Variants in CCDC102B observed in about 807,000 individuals in gnomAD.
CCDC102B encodes the protein coiled-coil domain containing 102B, also known as coiled-coil domain-containing protein 102B.
In CCDC102B, 75 loss-of-function variants were observed where a neutral mutation model predicts 57.4. That is an observed-to-expected ratio of 1.31 (90% CI 1.08 to 1.58). CCDC102B has a LOEUF of 1.58. Ranked by LOEUF, CCDC102B falls within the 40% of genes most tolerant of loss-of-function variation. The probability of loss-of-function intolerance (pLI) is 0.00; values close to 1 mark genes in which losing one functional copy is unlikely to be tolerated. For synonymous variants in CCDC102B, 206 were observed against 201.9 expected, an observed-to-expected ratio of 1.02 and a Z score of -0.17; for missense variants, 636 against 582.6, an observed-to-expected ratio of 1.09 and a Z score of -0.94.
chr18:68,832,304 A>G (rs927680808), intron 1 of CCDC102B, among the ~76,000 whole-genome samples: 12 of 152,098 alleles, frequency 7.9e-5, no homozygotes, highest in African/African-American at 2.9e-4. Context: ...AGACTTTCCT[A>G]AGTACAGAGG....
Position 69,054,366 on chromosome 18 carries a change from A to C in CCDC102B, c.*229A>C. 1 of 1,165,216 alleles carries C rather than the reference A, an allele frequency of 8.6e-7. No homozygotes were observed. The highest frequency in any genetic ancestry group is 1.1e-6 in the Non-Finnish European group (1 of 945,102). The allele number at this position is 1,165,216 out of a possible 1,614,324, so 72.2% of individuals were successfully genotyped here. ...TCATTTAAAAACAACTTTAATTCTA[A>C]GATGTGTAAATATTTTGAAAGTCAA... is the stretch of plus-strand genomic sequence containing the variant. On this transcript the variant is annotated 3_prime_UTR_variant, in exon 8 of 8. Transcript: ENST00000360242.
At chr18:68,857,762 G>T (rs1427582904) in intron 4 of CCDC102B, among the ~76,000 whole-genome samples, 2 of 152,040 alleles carry the variant, frequency 1.3e-5, no homozygotes, top group Non-Finnish European at 2.9e-5. Flanking sequence ...TAGTGACGTT[G>T]AATGGCTTCA....
At chr18:68,720,636 A>G (rs143624020) in intron 2 of CCDC102B, among the ~76,000 whole-genome samples, 102 of 152,332 alleles carry the variant, frequency 6.7e-4, no homozygotes, top group African/African-American at 2.4e-3. Flanking sequence ...ACTTTGATCC[A>G]TATCCTTATT....
At chr18:68,949,897 A>G (rs971839537) in intron 6 of CCDC102B, among the ~76,000 whole-genome samples, 6 of 152,174 alleles carry the variant, frequency 3.9e-5, no homozygotes, top group Admixed American at 2.0e-4. Context: ...TACATGTTTT[A>G]TATTAAATAC....
chr18:68,982,929 T>C (rs2050629995), intron 6 of CCDC102B, among the ~76,000 whole-genome samples: 1 of 151,948 alleles, frequency 6.6e-6, no homozygotes, highest in African/African-American at 2.4e-5. Context: ...AAATTGTACA[T>C]CACTATTCTG....
At chr18:68,988,229 A>AG (rs2050773341) in intron 6 of CCDC102B, among the ~76,000 whole-genome samples, 1 of 152,108 alleles carries the variant, frequency 6.6e-6, no homozygotes, top group South Asian at 2.1e-4. Flanking sequence ...GGAAAAAAAA[A>AG]CATGTTTTTT....
At chr18:68,878,188 C>T (rs528121398) in intron 5 of CCDC102B, among the ~76,000 whole-genome samples, 2 of 152,270 alleles carry the variant, frequency 1.3e-5, no homozygotes, top group African/African-American at 4.8e-5. Flanking sequence ...CCTCTGCCTC[C>T]TGGGCTCAGG....
chr18:68,840,196 A>G (rs1321741366), intron 3 of CCDC102B, among the ~76,000 whole-genome samples: 4 of 152,198 alleles, frequency 2.6e-5, no homozygotes, highest in Non-Finnish European at 4.4e-5. Context: ...AGTTATAAAA[A>G]TCTTAATAGG....
At chr18:68,779,840 T>C (rs1233115459) in intron 2 of CCDC102B, among the ~76,000 whole-genome samples, 1 of 152,134 alleles carries the variant, frequency 6.6e-6, no homozygotes, top group Non-Finnish European at 1.5e-5. Flanking sequence ...AGAAAACAAT[T>C]GTATTGAGCT....
At chr18:68,946,157 G>C (rs1038322561) in intron 6 of CCDC102B, among the ~76,000 whole-genome samples, 1 of 151,946 alleles carries the variant, frequency 6.6e-6, no homozygotes, top group African/African-American at 2.4e-5. Flanking sequence ...CTATCAGCTA[G>C]ACAAAACTAC....
At chr18:69,001,180 T>C (rs1015278700) in intron 6 of CCDC102B, among the ~76,000 whole-genome samples, 5 of 152,178 alleles carry the variant, frequency 3.3e-5, no homozygotes, top group Non-Finnish European at 5.9e-5. Flanking sequence ...TTTTTACTCA[T>C]ATTTCAAATT....
chr18:68,791,072 T>C (rs550355795), intron 2 of CCDC102B, among the ~76,000 whole-genome samples: 214 of 152,358 alleles, frequency 1.4e-3, no homozygotes, highest in Non-Finnish European at 2.6e-3. Context: ...CCGTATGCCT[T>C]AGCAAGTGGT....
rs73463874 is a variant in CCDC102B, at chr18:68,942,416, G to A, written c.1263+44988G>A. On this transcript the variant is annotated intron_variant, in intron 6 of 7. Transcript: ENST00000360242. Reference sequence around the variant, plus strand: ...GCTCAGCATATGGAGGACCCACGCCGGCCCAGTCTCTGAGTTCCCTCAGTA... The same window carrying A: ...GCTCAGCATATGGAGGACCCACGCCAGCCCAGTCTCTGAGTTCCCTCAGTA... Among the ~76,000 whole-genome samples the A allele has an allele frequency of 5.5e-3, 835 of 152,074 alleles. 5 individuals carry two copies. Among genetic ancestry groups the A allele is most frequent in the African/African-American group, 0.019 (769 of 41,516 alleles).
At chr18:68,854,164 G>T (rs1218191351) in intron 4 of CCDC102B, among the ~76,000 whole-genome samples, 1 of 151,190 alleles carries the variant, frequency 6.6e-6, no homozygotes, top group African/African-American at 2.4e-5. Flanking sequence ...CCAGTGGCGC[G>T]ATCTCCGCTC....
At chr18:68,916,865 G>C (rs1328983973) in intron 6 of CCDC102B, among the ~76,000 whole-genome samples, 1 of 152,212 alleles carries the variant, frequency 6.6e-6, no homozygotes, top group Non-Finnish European at 1.5e-5. Flanking sequence ...ATCAGGGCAA[G>C]GGGCCTCCCA....
intron 2 of CCDC102B, among the ~76,000 whole-genome samples, chr18:68,771,918 A>G (rs1161894233): frequency 2.7e-5 from 4 of 146,546 alleles, no homozygotes; most frequent in Non-Finnish European, 4.5e-5. Context: ...ATCTTCTGGA[A>G]ATAAAGATTG....
At chr18:68,879,995 G>T (rs943862431) in intron 5 of CCDC102B, among the ~76,000 whole-genome samples, 1 of 152,212 alleles carries the variant, frequency 6.6e-6, no homozygotes, top group Admixed American at 6.5e-5. Context: ...CAGTGCGCAT[G>T]CACTCCTCAG....
rs1032176586 is a variant in CCDC102B at position 69,017,178 on chromosome 18, C to T, written c.1434+6074C>T. On this transcript the variant is annotated intron_variant, in intron 7 of 7. Coordinates refer to ENST00000360242, the MANE Select transcript of CCDC102B (RefSeq NM_024781.3). Reference sequence around the variant, plus strand: ...TCACCCAAGCTGGAGTGCAGTGGGGCGGTCTTGGCTCACTGAAGCCTCAAC... The same window carrying T: ...TCACCCAAGCTGGAGTGCAGTGGGGTGGTCTTGGCTCACTGAAGCCTCAAC... 9.2e-5 allele frequency among the ~76,000 whole-genome samples: 14 copies of T among 152,192 alleles called. No individual in the cohort carries two copies. The South Asian group carries it at 1.0e-3, about 11-fold the overall frequency.
At chr18:68,884,201 G>C (rs548129479) in intron 5 of CCDC102B, among the ~76,000 whole-genome samples, 24 of 152,042 alleles carry the variant, frequency 1.6e-4, no homozygotes, top group Non-Finnish European at 3.1e-4. Flanking sequence ...ACCTTGTTAA[G>C]ATACAGCACT....
Sources: allele counts gnomAD v4.1 joint callset (sites outside exome capture counted in the v4.1 genomes callset), GRCh38; gene constraint gnomAD v4.1.1; transcripts MANE v1.5; gene names NCBI Gene and HGNC (gene_info 2026-07-23, HGNC 2026-07-21).